The following EPN2 variants were observed in gnomAD, a reference collection of about 807,000 sequenced individuals.
EPN2 encodes the protein epsin 2.
EPN2 carries 34 observed loss-of-function variants against 61.7 expected under a neutral mutation model. The ratio of observed to expected loss-of-function variants is 0.55; its 90% CI spans 0.42 to 0.73. The LOEUF (loss-of-function observed/expected upper bound fraction) is 0.73. EPN2 is among the 30% of genes least tolerant of loss of function. The pLI is 0.00. For synonymous variants in EPN2, 349 were observed against 353.6 expected (o/e 0.99, Z 0.15); for missense variants, 714 against 839.2 (o/e 0.85, Z 1.84).
intron 1 of EPN2, among the ~76,000 whole-genome samples, chr17:19,252,944 G>A (rs1417459210): frequency 6.6e-6 from 1 of 152,206 alleles, no homozygotes; most frequent in Non-Finnish European, 1.5e-5. Context: ...AGATCTGCCT[G>A]CCTGTGTTGG....
intron 7 of EPN2, among the ~76,000 whole-genome samples, chr17:19,314,619 G>A (rs775771959): frequency 3.7e-4 from 57 of 152,198 alleles, no homozygotes; most frequent in Non-Finnish European, 7.3e-4. Flanking sequence ...ATAGCTTGAT[G>A]GTGGCCTCTG....
At position 19,334,205 on chromosome 17, in the gene EPN2, C is replaced by A. The variant is rs1186536406; in HGVS notation, c.1877C>A (p.Pro626His). The A allele has an allele frequency of 5.2e-6, 8 of 1,536,026 alleles. No homozygotes were observed. In the East Asian group the frequency reaches 1.9e-4, roughly 37 times the overall value. Residue 626 changes from proline to histidine, a missense_variant, in exon 11 of 11, where the codon CCC (proline) becomes CAC (histidine). Pro to His is a moderately conservative substitution (Grantham distance 77). Around this residue, in one of 2 missense-constraint regions of EPN2, gnomAD observed 410 missense variants for 421.8 expected, o/e 0.97. Transcript: ENST00000314728. This position sits in a 1 kb window ranked among gnomAD's most constrained non-coding sequence, Gnocchi z 4.9. The part of the protein sequence containing the change: ...MMNMVGSVGI[P>H]PSAAQATGTT... ...AACATGGTGGGCAGTGTGGGTATAC[C>A]CCCATCAGCAGCCCAGGCCACTGGC...
chr17:19,334,862 T>C lies in EPN2; in HGVS notation c.*608T>C, dbSNP rs193146397. On this transcript the variant is annotated 3_prime_UTR_variant, in exon 11 of 11. Coordinates refer to ENST00000314728, the MANE Select transcript of EPN2 (RefSeq NM_014964.5). The surrounding 1 kb of genome is among the most constrained non-coding windows in gnomAD (Gnocchi z 4.9). Reference sequence around the variant, plus strand: ...CTATGCTTGTGTACCTTTGCACATATTTTGTTTAGTACAGTTTCATATTTG... The same window carrying C: ...CTATGCTTGTGTACCTTTGCACATACTTTGTTTAGTACAGTTTCATATTTG... The C allele has an allele frequency of 2.0e-3, 302 of 153,390 alleles. No homozygotes were observed. Among genetic ancestry groups the C allele is most frequent in the Non-Finnish European group, 3.8e-3 (262 of 68,498 alleles). The allele number at this position is 153,390 out of a possible 1,614,324, so 9.5% of individuals were successfully genotyped here.
chr17:19,245,419 CTTT>C (rs57599278), intron 1 of EPN2, among the ~76,000 whole-genome samples: 20 of 134,398 alleles, frequency 1.5e-4, no homozygotes, highest in Admixed American at 2.9e-4. Flanking sequence ...ATTTGGTAGT[CTTT>C]TTTTTTTTTT....
At chr17:19,322,897 T>C (rs1003211418) in intron 7 of EPN2, among the ~76,000 whole-genome samples, 11 of 150,472 alleles carry the variant, frequency 7.3e-5, no homozygotes, top group African/African-American at 2.2e-4. Flanking sequence ...TCTTCACCTG[T>C]CCATCCTTGA....
intron 1 of EPN2, among the ~76,000 whole-genome samples, chr17:19,255,883 A>G (rs1029649166): frequency 6.6e-6 from 1 of 151,946 alleles, no homozygotes; most frequent in Non-Finnish European, 1.5e-5. Flanking sequence ...TCGGCCCCCC[A>G]AAGTGTTGGT....
chr17:19,293,673 A>T (rs2045487349), intron 4 of EPN2, among the ~76,000 whole-genome samples: 1 of 151,356 alleles, frequency 6.6e-6, no homozygotes, highest in Non-Finnish European at 1.5e-5. Context: ...GATTACAGGC[A>T]TGCAGGCACA....
chr17:19,259,061 A>G (rs2045111878), intron 1 of EPN2, among the ~76,000 whole-genome samples: 1 of 152,230 alleles, frequency 6.6e-6, no homozygotes, highest in African/African-American at 2.4e-5. Context: ...ATAATTTGGA[A>G]TGGGGAAACA....
intron 1 of EPN2, among the ~76,000 whole-genome samples, chr17:19,251,586 G>A (rs767093642): frequency 3.9e-5 from 6 of 151,966 alleles, no homozygotes; most frequent in Non-Finnish European, 5.9e-5. Context: ...GGTGCACGCC[G>A]CCACTCCTGG....
At chr17:19,305,565 G>T (rs1322575552) in intron 4 of EPN2, among the ~76,000 whole-genome samples, 1 of 152,218 alleles carries the variant, frequency 6.6e-6, no homozygotes, top group Non-Finnish European at 1.5e-5. Context: ...AAATGTAGCT[G>T]ATAAGAATCA....
intron 1 of EPN2, chr17:19,273,125 C>G: frequency 6.6e-6 from 1 of 152,236 alleles, no homozygotes; most frequent in South Asian, 2.1e-4. Context: ...TCTGCTGTGT[C>G]TGTTCCAGTG....
chr17:19,239,800 A>AG (rs1367968708), intron 1 of EPN2, among the ~76,000 whole-genome samples: 1 of 152,190 alleles, frequency 6.6e-6, no homozygotes, highest in African/African-American at 2.4e-5. Flanking sequence ...CAAGCACTCG[A>AG]GGTGTGAAGA....
At chr17:19,308,670 C>A (rs1598012987) in intron 4 of EPN2, 1 of 985,266 alleles carries the variant, frequency 1.0e-6, no homozygotes, top group East Asian at 1.1e-4. Flanking sequence ...GGCAAGGAAC[C>A]ATCTAAAGCA....
chr17:19,256,164 C>G (rs2045076379), intron 1 of EPN2, among the ~76,000 whole-genome samples: 1 of 151,986 alleles, frequency 6.6e-6, no homozygotes. Flanking sequence ...GTCGCGATCT[C>G]CTGACCTCGT....
At chr17:19,259,605 C>T (rs923415380) in intron 1 of EPN2, among the ~76,000 whole-genome samples, 2 of 152,172 alleles carry the variant, frequency 1.3e-5, no homozygotes, top group African/African-American at 2.4e-5. Context: ...AGCCACAGCG[C>T]CCGGCTGAGT....
chr17:19,285,879 C>T lies in EPN2; in HGVS notation c.766+89C>T. ...GCCATGCCAGTACAGCCAACTCTCT[C>T]CCTGTCTCCTCTGGGCCTGGGGGTT... On this transcript the variant is annotated intron_variant, in intron 4 of 10. Transcript: ENST00000314728. The surrounding 1 kb of genome is among the most constrained non-coding windows in gnomAD (Gnocchi z 4.5). 1 of 1,427,510 alleles carries T rather than the reference C, an allele frequency of 7.0e-7. No individual in the cohort carries two copies. The highest frequency in any genetic ancestry group is 1.5e-5 in the South Asian group (1 of 66,318). 88.4% of individuals were successfully genotyped at this position (1,427,510 alleles called of 1,614,324 possible).
intron 7 of EPN2, among the ~76,000 whole-genome samples, chr17:19,327,956 T>C (rs1233895624): frequency 6.6e-6 from 1 of 152,362 alleles, no homozygotes; most frequent in East Asian, 1.9e-4. Flanking sequence ...TACTCATGTA[T>C]ACACAAATCT....
chr17:19,283,413 G>A lies in EPN2; in HGVS notation c.294G>A (p.Glu98=). ...GSERVAQQCR[E]NIFAIQTLKD... is the part of the protein sequence containing the mutation. ...AACGTGTGGCCCAGCAGTGCCGGGA[G>A]AACATCTTCGCCATCCAGACCCTGA... The change falls in exon 3 of 11, where the codon GAG becomes GAA. Residue 98 remains glutamate, a synonymous_variant. Transcript: ENST00000314728. The surrounding 1 kb of genome is among the most constrained non-coding windows in gnomAD (Gnocchi z 7.0). 1 of 1,614,192 alleles carries A rather than the reference G, an allele frequency of 6.2e-7. No homozygotes were observed. The highest frequency in any genetic ancestry group is 2.2e-5 in the East Asian group (1 of 44,874).
chr17:19,295,173 G>A (rs1013291860), intron 4 of EPN2, among the ~76,000 whole-genome samples: 2 of 151,998 alleles, frequency 1.3e-5, no homozygotes, highest in South Asian at 2.1e-4. Flanking sequence ...TTCATGCCCC[G>A]TGCTGTATCC....
Sources: gnomAD v4.1 joint callset for allele counts (sites outside exome capture counted in the v4.1 genomes callset) on GRCh38, gnomAD v4.1.1 for gene constraint, gnomAD v4.1.1 regional missense constraint, Gnocchi (gnomAD v3.1) non-coding constraint, MANE v1.5 for transcripts, NCBI Gene and HGNC (gene_info 2026-07-23, HGNC 2026-07-21) for gene names.